SLC6A3: variants seen among roughly 807,000 people sequenced by gnomAD.
SLC6A3 encodes the protein solute carrier family 6 member 3, also known as sodium-dependent dopamine transporter.
In SLC6A3, 19 loss-of-function variants were observed where a neutral mutation model predicts 70.4. The ratio of observed to expected loss-of-function variants is 0.27; its 90% CI spans 0.19 to 0.40. The LOEUF (loss-of-function observed/expected upper bound fraction) is 0.40. SLC6A3 is among the 10% of genes least tolerant of loss of function. The pLI, the probability that SLC6A3 is intolerant of heterozygous loss-of-function variation, is 1.00. For synonymous variants in SLC6A3, 368 were observed against 356.6 expected (o/e 1.03, Z -0.36); for missense variants, 613 against 838.5 (o/e 0.73, Z 3.32).
intron 12 of SLC6A3, among the ~76,000 whole-genome samples, chr5:1,403,954 C>CGGGT (rs937651345): frequency 1.3e-5 from 2 of 152,230 alleles, no homozygotes; most frequent in Admixed American, 1.3e-4. Context: ...TCTGTGCACC[C>CGGGT]ACATGTGTAC....
At position 1,416,046 on chromosome 5, in the gene SLC6A3, G is replaced by A. The variant is rs564434804; in HGVS notation, c.1031+52C>T. On this transcript the variant is annotated intron_variant, in intron 7 of 14. Coordinates refer to ENST00000270349, the MANE Select transcript of SLC6A3 (RefSeq NM_001044.5). The stretch of plus-strand genomic sequence containing the variant: ...GGACACCCTATTTCTGGAAGTCAGC[G>A]ACCTCTCCCTAGTATTGATGAGGCC... 143 of 1,351,576 alleles carry A rather than the reference G, an allele frequency of 1.1e-4. 1 individual carries two copies. The highest frequency in any genetic ancestry group is 8.4e-4 in the South Asian group (72 of 85,724). The allele number at this position is 1,351,576 out of a possible 1,614,324, so 83.7% of individuals were successfully genotyped here. A position where few individuals can be genotyped will look rare whatever the true frequency, so the allele number is the denominator to read the frequency against.
chr5:1,398,964 T>C (rs73028255), intron 14 of SLC6A3, among the ~76,000 whole-genome samples: 4,283 of 152,294 alleles, frequency 0.028, 178 homozygotes, highest in African/African-American at 0.095. Flanking sequence ...GTGTAGACAA[T>C]GTGGGTAACA....
At chr5:1,419,702 C>A (rs1342296752) in intron 6 of SLC6A3, among the ~76,000 whole-genome samples, 1 of 152,182 alleles carries the variant, frequency 6.6e-6, no homozygotes, top group Non-Finnish European at 1.5e-5. Context: ...CCTCTCTCTT[C>A]CTTGGCTCCC....
Position 1,396,999 on chromosome 5 carries a change from TG to T in SLC6A3, c.1840-2242del, listed in dbSNP as rs1188169189. ...TGCTGTGGGCTCACAAGGGTCTGTTTGTTACGGTGACAAATTAATAATTTAA... is the reference window on the plus strand; with the variant it reads ...TGCTGTGGGCTCACAAGGGTCTGTTTTTACGGTGACAAATTAATAATTTAA... On this transcript the variant is annotated intron_variant, in intron 14 of 14. Transcript: ENST00000270349. This position sits in a 1 kb window ranked among gnomAD's most constrained non-coding sequence, Gnocchi z 7.0. Among the ~76,000 whole-genome samples, 1 of 152,222 alleles carries T rather than the reference TG, an allele frequency of 6.6e-6. No homozygotes were observed. Among genetic ancestry groups the T allele is most frequent in the Non-Finnish European group, 1.5e-5 (1 of 68,040 alleles).
rs1181213624 is a variant in SLC6A3, at chr5:1,442,661, C to T, written c.286+251G>A. On this transcript the variant is annotated intron_variant, in intron 2 of 14. Coordinates refer to ENST00000270349, the MANE Select transcript of SLC6A3 (RefSeq NM_001044.5). The surrounding 1 kb of genome is among the most constrained non-coding windows in gnomAD (Gnocchi z 5.0). Reference sequence around the variant, plus strand: ...AGCTGCCCCGTCTGCCGCCCCCCACCCCCCAGCTTCTTCGCGGGCCTCCCT... The same window carrying T: ...AGCTGCCCCGTCTGCCGCCCCCCACTCCCCAGCTTCTTCGCGGGCCTCCCT... Among the ~76,000 whole-genome samples, 1 of 152,154 alleles carries T rather than the reference C, an allele frequency of 6.6e-6. No homozygotes were observed. The highest frequency in any genetic ancestry group is 1.5e-5 in the Non-Finnish European group (1 of 68,014).
At chr5:1,400,229 C>T (rs1755813216) in intron 14 of SLC6A3, among the ~76,000 whole-genome samples, 1 of 152,198 alleles carries the variant, frequency 6.6e-6, no homozygotes, top group African/African-American at 2.4e-5. Flanking sequence ...CTCCTGCTGG[C>T]CAGCTCTGTG....
chr5:1,411,030 G>C lies in SLC6A3; in HGVS notation c.1269+213C>G, dbSNP rs907627083. On this transcript the variant is annotated intron_variant, in intron 9 of 14. Coordinates refer to ENST00000270349, the MANE Select transcript of SLC6A3 (RefSeq NM_001044.5). This position sits in a 1 kb window ranked among gnomAD's most constrained non-coding sequence, Gnocchi z 6.5. ...AGGGCACACAGGTACCCCAGAGTAGGGGGATAAAGGGAAAGGTAAACTCCA... is the reference window on the plus strand; with the variant it reads ...AGGGCACACAGGTACCCCAGAGTAGCGGGATAAAGGGAAAGGTAAACTCCA... Among the ~76,000 whole-genome samples, 1 of 152,126 alleles carries C rather than the reference G, an allele frequency of 6.6e-6. No homozygotes were observed. The highest frequency in any genetic ancestry group is 2.4e-5 in the African/African-American group (1 of 41,434).
intron 14 of SLC6A3, among the ~76,000 whole-genome samples, chr5:1,398,939 C>T (rs1755780991): frequency 6.6e-6 from 1 of 152,108 alleles, no homozygotes; most frequent in Non-Finnish European, 1.5e-5. Context: ...GTCAAGCACC[C>T]CTAAAGTTGA....
chr5:1,407,315 C>T (rs758615039), intron 11 of SLC6A3, among the ~76,000 whole-genome samples: 6 of 152,162 alleles, frequency 3.9e-5, no homozygotes, highest in Non-Finnish European at 8.8e-5. Context: ...ACCCGGCATC[C>T]GAGCTCTGAA....
intron 4 of SLC6A3, among the ~76,000 whole-genome samples, chr5:1,431,717 G>A (rs1579722345): frequency 6.6e-6 from 1 of 151,998 alleles, no homozygotes; most frequent in Non-Finnish European, 1.5e-5. Context: ...GGACAGTGAG[G>A]GTTGGGCCTG....
Position 1,438,826 on chromosome 5 carries a change from C to T in SLC6A3, c.418+2533G>A, listed in dbSNP as rs185296491. On this transcript the variant is annotated intron_variant, in intron 3 of 14. Coordinates refer to ENST00000270349, the MANE Select transcript of SLC6A3 (RefSeq NM_001044.5). The surrounding 1 kb of genome is among the most constrained non-coding windows in gnomAD (Gnocchi z 6.5). ...AATCCAGCAAAGCACAGTTGGATGTCGCTGCAGCCTGTGCCAGAGCACAAT... is the reference window on the plus strand; with the variant it reads ...AATCCAGCAAAGCACAGTTGGATGTTGCTGCAGCCTGTGCCAGAGCACAAT... Among the ~76,000 whole-genome samples the T allele has an allele frequency of 1.4e-3, 211 of 152,308 alleles. 1 individual carries two copies. Among genetic ancestry groups the T allele is most frequent in the African/African-American group, 4.9e-3 (204 of 41,578 alleles).
At position 1,432,694 on chromosome 5, in the gene SLC6A3, C is replaced by T; in HGVS notation, c.423G>A (p.Val141=). The T allele has an allele frequency of 6.2e-7, 1 of 1,613,476 alleles. No individual in the cohort carries two copies. Among genetic ancestry groups the T allele is most frequent in the Non-Finnish European group, 8.5e-7 (1 of 1,179,496 alleles). ...VWKICPILKG[V]GFTVILISLY... ...GTGAGATGAGGATGACCGTGAAGCC[C>T]ACACCTAGCGGGAAGGGGGAGGCCA... Residue 141 remains valine, a synonymous_variant, in exon 4 of 15, where the codon GTG becomes GTA. Transcript: ENST00000270349.
At position 1,432,766 on chromosome 5, in the gene SLC6A3, C is replaced by T. The variant is rs465989; in HGVS notation, c.419-68G>A. 273,968 of 1,062,178 alleles carry T rather than the reference C, an allele frequency of 0.26. 38,994 individuals carry two copies. Among genetic ancestry groups the T allele is most frequent in the East Asian group, 0.53 (21,173 of 39,968 alleles). The allele number at this position is 1,062,178 out of a possible 1,614,324, so 65.8% of individuals were successfully genotyped here. A position where few individuals can be genotyped will look rare whatever the true frequency, so the allele number is the denominator to read the frequency against. ...ACAGAGCCACCATCAGCAACGTGTC[C>T]CTTCCACCTCCCCTCACGGGAGACA... is the stretch of plus-strand genomic sequence containing the variant. On this transcript the variant is annotated intron_variant, in intron 3 of 14. Transcript: ENST00000270349.
rs1378989326 is a variant in SLC6A3 at position 1,437,220 on chromosome 5, C to T, written c.418+4139G>A. On this transcript the variant is annotated intron_variant, in intron 3 of 14. Transcript: ENST00000270349. This position sits in a 1 kb window ranked among gnomAD's most constrained non-coding sequence, Gnocchi z 4.8. ...GAGCCAAGATCGCGCCTTTGCACTCCAGCCTGGTGACAGAGCGAGATTCCG... is the reference window on the plus strand; with the variant it reads ...GAGCCAAGATCGCGCCTTTGCACTCTAGCCTGGTGACAGAGCGAGATTCCG... Among the ~76,000 whole-genome samples the T allele has an allele frequency of 1.3e-5, 2 of 149,760 alleles. No homozygotes were observed. The highest frequency in any genetic ancestry group is 4.9e-5 in the African/African-American group (2 of 40,542).
chr5:1,400,570 C>T (rs28363153), intron 14 of SLC6A3, among the ~76,000 whole-genome samples: 2,980 of 152,252 alleles, frequency 0.02, 107 homozygotes, highest in African/African-American at 0.067. Flanking sequence ...CCCCGTGAGG[C>T]GGGGGGTGGT....
At position 1,421,603 on chromosome 5, in the gene SLC6A3, C is replaced by A. The variant is rs1467244658; in HGVS notation, c.792+273G>T. Among the ~76,000 whole-genome samples the A allele has an allele frequency of 6.6e-6, 1 of 151,032 alleles. No individual in the cohort carries two copies. Among genetic ancestry groups the A allele is most frequent in the Non-Finnish European group, 1.5e-5 (1 of 67,738 alleles). ...GCCCAGCCACGGCCACGTGTCCCCC[C>A]ACCCACCCATGGCCGCGCGTCTACC... On this transcript the variant is annotated intron_variant, in intron 5 of 14. Transcript: ENST00000270349. This position sits in a 1 kb window ranked among gnomAD's most constrained non-coding sequence, Gnocchi z 7.2.
At chr5:1,410,791 T>C (rs572222502) in intron 9 of SLC6A3, among the ~76,000 whole-genome samples, 7 of 152,282 alleles carry the variant, frequency 4.6e-5, no homozygotes, top group African/African-American at 1.7e-4. Flanking sequence ...TACACGTGCA[T>C]GCATGTCTGT....
intron 4 of SLC6A3, among the ~76,000 whole-genome samples, chr5:1,431,225 C>T (rs1045148562): frequency 6.6e-6 from 1 of 152,260 alleles, no homozygotes; most frequent in Non-Finnish European, 1.5e-5. Flanking sequence ...AACAGGGAAC[C>T]CCTGGGTGTC....
chr5:1,407,114 C>T (rs1560908662), intron 11 of SLC6A3, among the ~76,000 whole-genome samples: 1 of 152,196 alleles, frequency 6.6e-6, no homozygotes, highest in Admixed American at 6.5e-5. Flanking sequence ...GCATATTTTT[C>T]TTTCACTGGT....
Sources: gnomAD v4.1 joint callset for allele counts (sites outside exome capture counted in the v4.1 genomes callset) on GRCh38, gnomAD v4.1.1 for gene constraint, Gnocchi (gnomAD v3.1) non-coding constraint, MANE v1.5 for transcripts, NCBI Gene and HGNC (gene_info 2026-07-23, HGNC 2026-07-21) for gene names.